Variants in BAZ2B observed in about 807,000 individuals in gnomAD.
BAZ2B encodes the protein bromodomain adjacent to zinc finger domain protein 2B.
A neutral mutation model predicts 246.0 loss-of-function variants in BAZ2B; 91 were observed. The observed-to-expected ratio is 0.37, with a 90% CI of 0.31 to 0.44. The LOEUF is 0.44. Ranked by LOEUF, BAZ2B falls within the 20% of genes least tolerant of loss-of-function variation. The pLI is 1.00. For synonymous variants in BAZ2B, 855 were observed against 860.0 expected, an observed-to-expected ratio of 0.99 and a Z score of 0.10; for missense variants, 2,332 against 2,533.7, an observed-to-expected ratio of 0.92 and a Z score of 1.71.
At chr2:159,361,134 CA>C (rs1180169314) in intron 27 of BAZ2B, among the ~76,000 whole-genome samples, 1 of 152,054 alleles carries the variant, frequency 6.6e-6, no homozygotes, top group African/African-American at 2.4e-5. Flanking sequence ...TTCTGCACAG[CA>C]AAAGAAACTA....
In BAZ2B at chr2:159,438,616, T is replaced by G. The variant is rs2072837355; in HGVS notation, c.980A>C (p.Gln327Pro). 1 of 1,614,094 alleles carries G rather than the reference T, an allele frequency of 6.2e-7. No individual in the cohort carries two copies. Among genetic ancestry groups the G allele is most frequent in the East Asian group, 2.2e-5 (1 of 44,876 alleles). The change falls in exon 8 of 37, where the codon CAG (glutamine) becomes CCG (proline). Residue 327 changes from glutamine to proline, a missense_variant. Physicochemically the swap from Gln to Pro is moderately conservative, Grantham distance 76. Transcript: ENST00000392783. ...GGATTCAGACGCAAGAGGTAATGGC[T>G]GGTGTATTCTTTTTTCCTGGGCTTT... Reference protein sequence around the residue: ...TEKAQEKRIHQPLPLASESQT... With the variant: ...TEKAQEKRIHPPLPLASESQT...
At chr2:159,382,477 G>T (rs778087644) in intron 25 of BAZ2B, 82 bp downstream of exon 25, 192 of 1,382,244 alleles carry the variant, frequency 1.4e-4, no homozygotes, top group Middle Eastern at 9.9e-4. Context: ...ATTCAAATCC[G>T]AATCCATCTG....
chr2:159,334,787 G>A (rs968034423), intron 33 of BAZ2B, among the ~76,000 whole-genome samples: 3 of 152,192 alleles, frequency 2.0e-5, no homozygotes, highest in Non-Finnish European at 4.4e-5. Context: ...TTTGATACAA[G>A]TTTTAGGTTT....
chr2:159,386,351 A>T lies in BAZ2B; in HGVS notation c.3471+2T>A, dbSNP rs774953467. 2.5e-6 allele frequency: 4 copies of T among 1,597,348 alleles called. No homozygotes were observed. The highest frequency in any genetic ancestry group is 1.8e-5 in the Admixed American group (1 of 55,680). ...AACATTTTATATTTTGTTTTTTTTTACCTTGTATCCTGTTATTAGACCTGG... is the reference window on the plus strand; with the variant it reads ...AACATTTTATATTTTGTTTTTTTTTTCCTTGTATCCTGTTATTAGACCTGG... On this transcript the variant is annotated splice_donor_variant, in intron 22 of 36. Coordinates refer to ENST00000392783, the MANE Select transcript of BAZ2B (RefSeq NM_013450.4). LOFTEE classifies it high-confidence loss of function.
chr2:159,573,953 T>C (rs899319892), intron 1 of BAZ2B, among the ~76,000 whole-genome samples: 2 of 151,942 alleles, frequency 1.3e-5, no homozygotes, highest in Admixed American at 1.3e-4. Context: ...ATATAAAAAT[T>C]GGCTGGGTGT....
At chr2:159,427,572 T>TA (rs1007062576) in intron 13 of BAZ2B, among the ~76,000 whole-genome samples, 3 of 152,180 alleles carry the variant, frequency 2.0e-5, no homozygotes, top group Non-Finnish European at 2.9e-5. Context: ...GACTGACTTA[T>TA]AATAATAGGG....
intron 34 of BAZ2B, 107 bp from the exon 35 acceptor site, chr2:159,326,025 T>C: frequency 1.0e-6 from 1 of 953,014 alleles, no homozygotes; most frequent in South Asian, 1.9e-5. Context: ...AAAGAATAAC[T>C]CTGATCTAGA....
chr2:159,700,336 C>T, the BAZ2B span, among the ~76,000 whole-genome samples: 1 of 152,162 alleles, frequency 6.6e-6, no homozygotes, highest in African/African-American at 2.4e-5. Flanking sequence ...CTCCTGTATA[C>T]TTTAAATCAT....
In BAZ2B at chr2:159,350,208, T is replaced by C; in HGVS notation, c.4363A>G (p.Asn1455Asp). Residue 1455 changes from asparagine (N) to aspartate (D), a missense_variant, in exon 28 of 37, where the codon AAC becomes GAC. Transcript: ENST00000392783. ...GGTTTCTGAAGGAATAGATTTGTGT[T>C]ATCTTTTTCTTTAAGATCTTCCTTT... is the stretch of plus-strand genomic sequence containing the variant. Reference protein sequence around the residue: ...EQKEDLKEKDNTNLFLQKPGS... With the variant: ...EQKEDLKEKDDTNLFLQKPGS... The C allele has an allele frequency of 9.3e-6, 15 of 1,614,036 alleles. No homozygotes were observed. Among genetic ancestry groups the C allele is most frequent in the Non-Finnish European group, 1.2e-5 (14 of 1,179,968 alleles).
At chr2:159,650,761 G>A in the BAZ2B span, among the ~76,000 whole-genome samples, 12 of 152,266 alleles carry the variant, frequency 7.9e-5, no homozygotes, top group African/African-American at 2.6e-4. Flanking sequence ...CTCAAGTCAT[G>A]AGTCTTTGAG....
chr2:159,347,919 A>G (rs2058112430), intron 30 of BAZ2B, among the ~76,000 whole-genome samples: 1 of 152,234 alleles, frequency 6.6e-6, no homozygotes, highest in Admixed American at 6.5e-5. Context: ...AAAAAATAGT[A>G]GTGCATTAAG....
intron 2 of BAZ2B, among the ~76,000 whole-genome samples, chr2:159,502,470 A>G (rs1156460405): frequency 6.8e-6 from 1 of 147,624 alleles, no homozygotes; most frequent in Non-Finnish European, 1.5e-5. Flanking sequence ...CAAAAAGGAA[A>G]AAAAAAAAAA....
At chr2:159,424,604 A>C (rs1338240399) in intron 13 of BAZ2B, among the ~76,000 whole-genome samples, 1 of 152,204 alleles carries the variant, frequency 6.6e-6, no homozygotes, top group Non-Finnish European at 1.5e-5. Flanking sequence ...AGATTAAAAA[A>C]TGATGAAAAA....
Position 159,373,076 on chromosome 2 carries a change from C to A in BAZ2B, c.4182G>T (p.Gly1394=). ...CACTCTCCATGCCTTCTACAAAAAT[C>A]CCCCCACATTGGGGAAGAATCCAGT... ...RRYWILPQCG[G]IFVEGMESGE... The change falls in exon 27 of 37, where the codon GGG becomes GGT. Residue 1394 remains glycine (G), a synonymous_variant. Transcript: ENST00000392783. 6.2e-7 allele frequency: 1 copy of A among 1,613,788 alleles called. No individual in the cohort carries two copies. Among genetic ancestry groups the A allele is most frequent in the Non-Finnish European group, 8.5e-7 (1 of 1,179,804 alleles).
chr2:159,397,848 A>G (rs964101994), intron 18 of BAZ2B, among the ~76,000 whole-genome samples: 1 of 68,630 alleles, frequency 1.5e-5, no homozygotes, highest in African/African-American at 3.3e-5. Flanking sequence ...CTCTATAATT[A>G]ACATCATTTT....
chr2:159,593,833 C>G (rs1018664649), intron 1 of BAZ2B, among the ~76,000 whole-genome samples: 1 of 152,190 alleles, frequency 6.6e-6, no homozygotes, highest in Non-Finnish European at 1.5e-5. Flanking sequence ...AAGGCAGGGA[C>G]TACTGTAATA....
chr2:159,370,624 C>T (rs879552493), intron 27 of BAZ2B, among the ~76,000 whole-genome samples: 2 of 151,988 alleles, frequency 1.3e-5, no homozygotes, highest in Admixed American at 1.3e-4. Context: ...CGCCCGTCTC[C>T]GCCTCCCAAA....
chr2:159,635,278 AT>A, the BAZ2B span, among the ~76,000 whole-genome samples: 1 of 152,134 alleles, frequency 6.6e-6, no homozygotes, highest in South Asian at 2.1e-4. Flanking sequence ...ATCAGTGTTA[AT>A]TCTTCACTTT....
At chr2:159,702,792 G>C in the BAZ2B span, among the ~76,000 whole-genome samples, 1 of 152,132 alleles carries the variant, frequency 6.6e-6, no homozygotes, top group Non-Finnish European at 1.5e-5. Flanking sequence ...TGCAATCCCA[G>C]CACTTTGGGA....
Sources: gnomAD v4.1 joint callset for allele counts (sites outside exome capture counted in the v4.1 genomes callset) on GRCh38, gnomAD v4.1.1 for gene constraint, MANE v1.5 for transcripts, NCBI Gene and HGNC (gene_info 2026-07-23, HGNC 2026-07-21) for gene names.